Variants in LASP1 observed in about 807,000 individuals in gnomAD.
LASP1 encodes LIM and SH3 domain protein 1.
A neutral mutation model predicts 38.6 loss-of-function variants in LASP1; 10 were observed. The observed-to-expected ratio is 0.26, with a 90% CI of 0.16 to 0.44. The LOEUF (loss-of-function observed/expected upper bound fraction) is 0.44. Among genes scored for constraint, LASP1 ranks in the 20% least tolerant of loss-of-function variants. LASP1 has a pLI of 1.00. For synonymous variants in LASP1, 132 were observed against 140.8 expected, an observed-to-expected ratio of 0.94 and a Z score of 0.44; for missense variants, 243 against 375.7, an observed-to-expected ratio of 0.65 and a Z score of 2.92.
At chr17:38,890,270 G>A (rs1302693647) in intron 2 of LASP1, 150 bp from the exon 3 acceptor site, 1 of 645,044 alleles carries the variant, frequency 1.6e-6, no homozygotes, top group Non-Finnish European at 2.7e-6. Context: ...CCTCGGCCTT[G>A]GTGGTGGACA....
chr17:38,880,973 G>GGCA (rs1285498342), intron 2 of LASP1, among the ~76,000 whole-genome samples: 1 of 152,108 alleles, frequency 6.6e-6, no homozygotes, highest in East Asian at 1.9e-4. Flanking sequence ...TGTGGTGGTG[G>GGCA]GCACCTATAA....
At chr17:38,899,594 G>C (rs1914584970) in intron 4 of LASP1, among the ~76,000 whole-genome samples, 1 of 152,186 alleles carries the variant, frequency 6.6e-6, no homozygotes, top group Non-Finnish European at 1.5e-5. Flanking sequence ...AACCAGCCAT[G>C]CCCAAAATGG....
At chr17:38,881,153 G>T (rs1250788219) in intron 2 of LASP1, among the ~76,000 whole-genome samples, 1 of 152,180 alleles carries the variant, frequency 6.6e-6, no homozygotes, top group South Asian at 2.1e-4. Context: ...GCCCAGGGAT[G>T]TTGGACCCTA....
intron 5 of LASP1, among the ~76,000 whole-genome samples, chr17:38,914,677 G>GAC (rs10599326): frequency 0.011 from 1,579 of 146,756 alleles, 11 homozygotes; most frequent in Admixed American, 0.016. Flanking sequence ...GCGAGAGACA[G>GAC]ACACACACAC....
intron 1 of LASP1, among the ~76,000 whole-genome samples, chr17:38,872,337 G>A (rs1913634639): frequency 1.3e-5 from 2 of 152,174 alleles, no homozygotes; most frequent in Non-Finnish European, 2.9e-5. Flanking sequence ...TACCCGAGGG[G>A]AGGGGAGCAG....
At chr17:38,876,500 A>G (rs1247625765) in intron 1 of LASP1, among the ~76,000 whole-genome samples, 2 of 151,866 alleles carry the variant, frequency 1.3e-5, no homozygotes, top group East Asian at 3.9e-4. Context: ...AGCTGGGATT[A>G]CAGGCACGCC....
At chr17:38,896,720 G>T (rs917389861) in intron 3 of LASP1, among the ~76,000 whole-genome samples, 1 of 152,122 alleles carries the variant, frequency 6.6e-6, no homozygotes, top group African/African-American at 2.4e-5. Flanking sequence ...CTGGCGTTAT[G>T]GTCCCCATTT....
At position 38,918,050 on chromosome 17, in the gene LASP1, G is replaced by A. The variant is rs1598124804; in HGVS notation, c.613-555G>A. Among the ~76,000 whole-genome samples the A allele has an allele frequency of 6.6e-6, 1 of 151,020 alleles. No homozygotes were observed. The highest frequency in any genetic ancestry group is 6.6e-5 in the Admixed American group (1 of 15,124). ...AGCTACTTGGGAGGCTGAGGCAGGAGAATCGCTTGAACCCGGGAGGCGGAT... is the reference window on the plus strand; with the variant it reads ...AGCTACTTGGGAGGCTGAGGCAGGAAAATCGCTTGAACCCGGGAGGCGGAT... On this transcript the variant is annotated intron_variant, in intron 6 of 6. Coordinates refer to ENST00000318008, the MANE Select transcript of LASP1 (RefSeq NM_006148.4). This position sits in a 1 kb window ranked among gnomAD's most constrained non-coding sequence, Gnocchi z 4.4.
intron 4 of LASP1, among the ~76,000 whole-genome samples, chr17:38,902,721 G>C (rs185842867): frequency 5.3e-4 from 80 of 151,944 alleles, no homozygotes; most frequent in Admixed American, 5.3e-3. Context: ...TTTTATTTTT[G>C]AGATAGAGTC....
intron 2 of LASP1, among the ~76,000 whole-genome samples, chr17:38,884,536 C>T (rs1019067269): frequency 6.6e-6 from 1 of 151,696 alleles, no homozygotes; most frequent in Non-Finnish European, 1.5e-5. Flanking sequence ...TACAGGAGGC[C>T]GCTACCATGC....
intron 2 of LASP1, among the ~76,000 whole-genome samples, chr17:38,888,128 C>A (rs1228791006): frequency 1.3e-5 from 2 of 152,100 alleles, no homozygotes; most frequent in African/African-American, 2.4e-5. Context: ...CCCATGCAGA[C>A]CCCCAGACAT....
At chr17:38,906,256 G>A (rs56380079) in intron 4 of LASP1, among the ~76,000 whole-genome samples, 35,369 of 151,888 alleles carry the variant, frequency 0.23, 4,162 homozygotes, top group African/African-American at 0.27. Flanking sequence ...GGCCAGGCGC[G>A]GTGGCTCAGG....
At chr17:38,906,968 T>C (rs887194937) in intron 4 of LASP1, among the ~76,000 whole-genome samples, 4 of 152,136 alleles carry the variant, frequency 2.6e-5, no homozygotes, top group Admixed American at 6.5e-5. Context: ...CTTAGGGCGC[T>C]CCTCACTCAG....
In LASP1 at chr17:38,919,534, A is replaced by C. The variant is rs1407152341; in HGVS notation, c.*756A>C. ...AGCTACCGGAAGGAGGGGAACAAGG[A>C]GTTCTCTTCCGCAGCCCCTTTCCCC... On this transcript the variant is annotated 3_prime_UTR_variant, in exon 7 of 7. Transcript: ENST00000318008. 1 of 246,312 alleles carries C rather than the reference A, an allele frequency of 4.1e-6. No homozygotes were observed. The highest frequency in any genetic ancestry group is 5.7e-5 in the East Asian group (1 of 17,440). 15.3% of individuals were successfully genotyped at this position (246,312 alleles called of 1,614,324 possible).
rs1456491958 is a variant in LASP1, at chr17:38,892,555, C to G, written c.249+2051C>G. ...AGCAGATAGCAGGTCTTTGGAGACA[C>G]ACACACACACACACACACACACACA... On this transcript the variant is annotated intron_variant, in intron 3 of 6. Coordinates refer to ENST00000318008, the MANE Select transcript of LASP1 (RefSeq NM_006148.4). Among the ~76,000 whole-genome samples the G allele has an allele frequency of 3.0e-5, 4 of 132,120 alleles. No homozygotes were observed. The East Asian group carries it at 8.9e-4, about 29-fold the overall frequency. 86.7% of individuals were successfully genotyped at this position (132,120 alleles called of 152,430 possible).
intron 1 of LASP1, among the ~76,000 whole-genome samples, chr17:38,876,615 C>T (rs1256430260): frequency 6.6e-6 from 1 of 152,116 alleles, no homozygotes; most frequent in African/African-American, 2.4e-5. Context: ...CCGCCTGCCA[C>T]AGCCTCCCGA....
At chr17:38,877,488 G>T (rs1252646594) in intron 1 of LASP1, among the ~76,000 whole-genome samples, 1 of 152,172 alleles carries the variant, frequency 6.6e-6, no homozygotes, top group Non-Finnish European at 1.5e-5. Context: ...GGGACACCCA[G>T]CCCACTCCTC....
intron 2 of LASP1, among the ~76,000 whole-genome samples, chr17:38,881,856 A>G (rs979486364): frequency 6.6e-6 from 1 of 152,198 alleles, no homozygotes; most frequent in Non-Finnish European, 1.5e-5. Flanking sequence ...GAAAGAAGAA[A>G]GCTATCTTTC....
intron 1 of LASP1, among the ~76,000 whole-genome samples, chr17:38,877,766 C>T (rs943024031): frequency 1.3e-5 from 2 of 152,152 alleles, no homozygotes; most frequent in Non-Finnish European, 2.9e-5. Context: ...AGGAGGGGTT[C>T]CCTGGGGAGG....
Sources: allele counts gnomAD v4.1 joint callset (sites outside exome capture counted in the v4.1 genomes callset), GRCh38; gene constraint gnomAD v4.1.1; non-coding constraint Gnocchi (gnomAD v3.1); transcripts MANE v1.5; gene names NCBI Gene and HGNC (gene_info 2026-07-23, HGNC 2026-07-21).